FLRT2: variants seen among roughly 807,000 people sequenced by gnomAD.
FLRT2 encodes the protein leucine-rich repeat transmembrane protein FLRT2.
FLRT2 carries 15 observed loss-of-function variants against 40.0 expected under a neutral mutation model. The observed-to-expected ratio is 0.38, with a 90% CI of 0.25 to 0.58. FLRT2 has a LOEUF of 0.58. FLRT2 is among the 20% of genes least tolerant of loss of function. The pLI is 0.71. For synonymous variants in FLRT2, 380 were observed against 336.8 expected, an observed-to-expected ratio of 1.13 and a Z score of -1.41; for missense variants, 726 against 840.0, an observed-to-expected ratio of 0.86 and a Z score of 1.68.
At position 85,621,616 on chromosome 14, in the gene FLRT2, G is replaced by A. The variant is rs762985355; in HGVS notation, c.102G>A (p.Leu34=). The A allele has an allele frequency of 1.2e-6, 2 of 1,613,882 alleles. No individual in the cohort carries two copies. The highest frequency in any genetic ancestry group is 1.7e-5 in the Admixed American group (1 of 59,992). ...LGLYSQVSKL[L]ACPSVCRCDR... ...TCTACTCACAGGTGTCCAAACTCCT[G>A]GCCTGCCCTAGTGTGTGCCGCTGCG... The change falls in exon 2 of 2, where the codon CTG becomes CTA. Residue 34 remains leucine, a synonymous_variant. Coordinates refer to ENST00000330753, the MANE Select transcript of FLRT2 (RefSeq NM_013231.6).
intron 1 of FLRT2, among the ~76,000 whole-genome samples, chr14:85,571,422 G>T (rs1347982356): frequency 6.6e-6 from 1 of 152,164 alleles, no homozygotes; most frequent in African/African-American, 2.4e-5. Flanking sequence ...GCAGCATGAA[G>T]AGTGTAACCA....
At chr14:85,562,408 C>G (rs1175773016) in intron 1 of FLRT2, among the ~76,000 whole-genome samples, 1 of 152,182 alleles carries the variant, frequency 6.6e-6, no homozygotes, top group African/African-American at 2.4e-5. Flanking sequence ...AATGCAATCT[C>G]TGCCACATTT....
In FLRT2 at chr14:85,637,310, G is replaced by A. The variant is rs1421723328; in HGVS notation, c.*13813G>A. 1 of 152,172 alleles carries A rather than the reference G, an allele frequency of 6.6e-6. No individual in the cohort carries two copies. The highest frequency in any genetic ancestry group is 1.5e-5 in the Non-Finnish European group (1 of 68,036). 9.4% of individuals were successfully genotyped at this position (152,172 alleles called of 1,614,324 possible). ...TAAGAATCACCATGGCATAGACATGGTAGGAAAAGCATTAGCTTTGGCGTT... is the reference window on the plus strand; with the variant it reads ...TAAGAATCACCATGGCATAGACATGATAGGAAAAGCATTAGCTTTGGCGTT... On this transcript the variant is annotated 3_prime_UTR_variant, in exon 2 of 2. Transcript: ENST00000330753.
chr14:85,532,007 G>T (rs755087287), intron 1 of FLRT2, among the ~76,000 whole-genome samples: 1 of 152,200 alleles, frequency 6.6e-6, no homozygotes, highest in Non-Finnish European at 1.5e-5. Context: ...TCTCAAATAC[G>T]TGAAAGCGGT....
At chr14:85,616,258 TC>T (rs1276081434) in intron 1 of FLRT2, among the ~76,000 whole-genome samples, 1 of 150,770 alleles carries the variant, frequency 6.6e-6, no homozygotes, top group Non-Finnish European at 1.5e-5. Flanking sequence ...ATTTCTAGTT[TC>T]CTGGAGAGGA....
chr14:85,540,144 C>A (rs2139808339), intron 1 of FLRT2, among the ~76,000 whole-genome samples: 1 of 152,114 alleles, frequency 6.6e-6, no homozygotes, highest in East Asian at 1.9e-4. Context: ...GTTTAACTAT[C>A]CAGGTTACCT....
At chr14:85,568,474 T>C (rs1438565364) in intron 1 of FLRT2, among the ~76,000 whole-genome samples, 1 of 152,172 alleles carries the variant, frequency 6.6e-6, no homozygotes. Context: ...TGAATTTAAT[T>C]TTTTTTCTGG....
intron 1 of FLRT2, among the ~76,000 whole-genome samples, chr14:85,601,734 A>G (rs1349478674): frequency 6.6e-6 from 1 of 152,252 alleles, no homozygotes; most frequent in Admixed American, 6.5e-5. Flanking sequence ...AACAAGATGC[A>G]TCAGAGAAAA....
At position 85,621,297 on chromosome 14, in the gene FLRT2, A is replaced by AT. The variant is rs1893367031; in HGVS notation, c.-212dup. ...AGTGTGGAAAAATTCTCCCTGTTGA[A>AT]TTTTTTGCACATGGAGGACAGCAGC... On this transcript the variant is annotated 5_prime_UTR_variant, in exon 2 of 2. It removes the in-frame stop codon of an upstream open reading frame in the 5' UTR. Transcript: ENST00000330753. 7.5e-6 allele frequency: 4 copies of AT among 535,722 alleles called. No individual in the cohort carries two copies. In the South Asian group the frequency reaches 9.5e-5, roughly 13 times the overall value. 33.2% of individuals were successfully genotyped at this position (535,722 alleles called of 1,614,324 possible). A position where few individuals can be genotyped will look rare whatever the true frequency, so the allele number is the denominator to read the frequency against.
At chr14:85,605,957 G>A (rs1052658964) in intron 1 of FLRT2, among the ~76,000 whole-genome samples, 4 of 151,962 alleles carry the variant, frequency 2.6e-5, no homozygotes, top group Non-Finnish European at 5.9e-5. Context: ...ATATTGAGAT[G>A]AAAGATTTGT....
rs1005796690 is a variant in FLRT2, at chr14:85,651,641, G to A, written c.*28144G>A. On this transcript the variant is annotated 3_prime_UTR_variant, in exon 2 of 2. Transcript: ENST00000330753. ...GTTTTATTGCTTTAAACTCTATTTT[G>A]ATTGTTTTTAATCTGATCATACAGA... The A allele has an allele frequency of 2.6e-5, 4 of 151,808 alleles. No homozygotes were observed. The highest frequency in any genetic ancestry group is 9.7e-5 in the African/African-American group (4 of 41,354). 9.4% of individuals were successfully genotyped at this position (151,808 alleles called of 1,614,324 possible).
chr14:85,603,598 G>C (rs1892476357), intron 1 of FLRT2, among the ~76,000 whole-genome samples: 1 of 152,038 alleles, frequency 6.6e-6, no homozygotes, highest in Admixed American at 6.5e-5. Flanking sequence ...GACCAGGCAC[G>C]GTGGCTCACC....
At position 85,628,782 on chromosome 14, in the gene FLRT2, G is replaced by A. The variant is rs1362047470; in HGVS notation, c.*5285G>A. ...TTCATATTACTTTTGGGGATTTTAT[G>A]TAAAGTAACATCTATGCTATTCTTG... On this transcript the variant is annotated 3_prime_UTR_variant, in exon 2 of 2. Coordinates refer to ENST00000330753, the MANE Select transcript of FLRT2 (RefSeq NM_013231.6). 2 of 152,202 alleles carry A rather than the reference G, an allele frequency of 1.3e-5. No homozygotes were observed. The highest frequency in any genetic ancestry group is 1.3e-4 in the Admixed American group (2 of 15,274). 9.4% of individuals were successfully genotyped at this position (152,202 alleles called of 1,614,324 possible). A position where few individuals can be genotyped will look rare whatever the true frequency, so the allele number is the denominator to read the frequency against.
At chr14:85,581,200 G>A (rs1891371214) in intron 1 of FLRT2, among the ~76,000 whole-genome samples, 1 of 152,196 alleles carries the variant, frequency 6.6e-6, no homozygotes, top group Non-Finnish European at 1.5e-5. Context: ...GATTTGGGCA[G>A]AGGATGAATA....
chr14:85,643,378 T>TCCTTTCCATTC lies in FLRT2; in HGVS notation c.*19882_*19883insCTTTCCATTCC. ...TTCTTCCTTCCTTCCTTCCTTCCTT[T>TCCTTTCCATTC]CTTTCCTTTCTCCTTTTTCTTTTTT... On this transcript the variant is annotated 3_prime_UTR_variant, in exon 2 of 2. Transcript: ENST00000330753. 1.0e-5 allele frequency: 1 copy of TCCTTTCCATTC among 99,900 alleles called. No individual in the cohort carries two copies. The highest frequency in any genetic ancestry group is 1.0e-4 in the Admixed American group (1 of 9,860). 6.2% of individuals were successfully genotyped at this position (99,900 alleles called of 1,614,324 possible).
intron 1 of FLRT2, among the ~76,000 whole-genome samples, chr14:85,593,717 C>A (rs1021032474): frequency 2.0e-5 from 3 of 152,076 alleles, no homozygotes; most frequent in African/African-American, 7.2e-5. Context: ...TTAATTGAAA[C>A]AATTTTATAA....
intron 1 of FLRT2, among the ~76,000 whole-genome samples, chr14:85,568,799 T>G (rs2139857823): frequency 6.6e-6 from 1 of 152,296 alleles, no homozygotes; most frequent in South Asian, 2.1e-4. Context: ...AAACCCAGTT[T>G]TACTACGTGT....
At position 85,629,690 on chromosome 14, in the gene FLRT2, C is replaced by T. The variant is rs1048960195; in HGVS notation, c.*6193C>T. 2 of 152,134 alleles carry T rather than the reference C, an allele frequency of 1.3e-5. No individual in the cohort carries two copies. The highest frequency in any genetic ancestry group is 2.9e-5 in the Non-Finnish European group (2 of 68,026). The allele number at this position is 152,134 out of a possible 1,614,324, so 9.4% of individuals were successfully genotyped here. On this transcript the variant is annotated 3_prime_UTR_variant, in exon 2 of 2. Coordinates refer to ENST00000330753, the MANE Select transcript of FLRT2 (RefSeq NM_013231.6). ...CCATGGACTCTTAATTGTTTTCCTG[C>T]CTCTTAATAAATTGACCATCCTTGA...
rs781707035 is a variant in FLRT2, at chr14:85,621,677, A to G, written c.163A>G (p.Thr55Ala). The G allele has an allele frequency of 1.2e-6, 2 of 1,613,788 alleles. No homozygotes were observed. The highest frequency in any genetic ancestry group is 1.1e-5 in the South Asian group (1 of 91,030). ...NFVYCNERSL[T>A]SVPLGIPEGV... is the part of the protein sequence containing the mutation. ...TGTCTACTGTAATGAGCGAAGCTTG[A>G]CCTCAGTGCCTCTTGGGATCCCGGA... Residue 55 changes from threonine to alanine, a missense_variant, in exon 2 of 2, where the codon ACC (threonine) becomes GCC (alanine). Transcript: ENST00000330753.
Sources: allele counts gnomAD v4.1 joint callset (sites outside exome capture counted in the v4.1 genomes callset), GRCh38; gene constraint gnomAD v4.1.1; transcripts MANE v1.5; gene names NCBI Gene and HGNC (gene_info 2026-07-23, HGNC 2026-07-21).